Variants in NRG1 observed in about 807,000 individuals in gnomAD.
The protein encoded by NRG1 is neuregulin 1, also known as pro-neuregulin-1, membrane-bound isoform.
Under a neutral mutation model 63.8 loss-of-function variants are expected in NRG1, and 18 were observed. The ratio of observed to expected loss-of-function variants is 0.28; its 90% CI spans 0.19 to 0.42. The LOEUF is 0.42. Among genes scored for constraint, NRG1 ranks in the 10% least tolerant of loss-of-function variants. The pLI is 1.00. For missense variants in NRG1, 762 were observed against 814.7 expected, an observed-to-expected ratio of 0.94 and a Z score of 0.79; for synonymous variants, 302 against 301.3, an observed-to-expected ratio of 1.00 and a Z score of -0.02.
At chr8:32,352,855 G>A (rs1805788593) in intron 1 of NRG1, among the ~76,000 whole-genome samples, 1 of 151,462 alleles carries the variant, frequency 6.6e-6, no homozygotes, top group African/African-American at 2.4e-5. Context: ...TCCATCTTGG[G>A]TGACAGAATG....
At chr8:32,460,389 G>A (rs919981811) in intron 1 of NRG1, among the ~76,000 whole-genome samples, 3 of 152,192 alleles carry the variant, frequency 2.0e-5, no homozygotes, top group African/African-American at 7.2e-5. Context: ...CATTAAGATT[G>A]ACTGTACACG....
intron 1 of NRG1, among the ~76,000 whole-genome samples, chr8:31,821,769 T>A (rs1297291884): frequency 1.3e-5 from 2 of 152,056 alleles, no homozygotes; most frequent in Non-Finnish European, 2.9e-5. Flanking sequence ...TTTTTATGTG[T>A]TAGAGAGAAA....
intron 1 of NRG1, among the ~76,000 whole-genome samples, chr8:32,084,568 A>C (rs1457719836): frequency 6.6e-6 from 1 of 152,236 alleles, no homozygotes; most frequent in Non-Finnish European, 1.5e-5. Context: ...TTTTTAAAAA[A>C]AATTCTTAAG....
At chr8:32,652,838 A>G (rs959703364) in intron 5 of NRG1, among the ~76,000 whole-genome samples, 6 of 152,152 alleles carry the variant, frequency 3.9e-5, no homozygotes, top group African/African-American at 7.2e-5. Context: ...GTTCCAAACC[A>G]TACATCTGTG....
chr8:32,578,081 C>T (rs1252317376), intron 1 of NRG1, among the ~76,000 whole-genome samples: 3 of 152,008 alleles, frequency 2.0e-5, no homozygotes, highest in African/African-American at 7.3e-5. Context: ...GGCAACCTCT[C>T]CCTCCCAGGT....
intron 1 of NRG1, among the ~76,000 whole-genome samples, chr8:32,118,776 A>T (rs932647485): frequency 2.6e-5 from 4 of 152,106 alleles, no homozygotes; most frequent in African/African-American, 7.2e-5. Flanking sequence ...TCTTTGGGTC[A>T]TCCAAGGCAT....
At chr8:32,451,851 G>T (rs1473819892) in intron 1 of NRG1, among the ~76,000 whole-genome samples, 1 of 152,054 alleles carries the variant, frequency 6.6e-6, no homozygotes, top group Non-Finnish European at 1.5e-5. Flanking sequence ...TTTTAGACAA[G>T]GTCTTGCTCT....
chr8:32,296,969 G>A (rs1418772128), intron 1 of NRG1, among the ~76,000 whole-genome samples: 2 of 152,004 alleles, frequency 1.3e-5, no homozygotes, highest in African/African-American at 4.8e-5. Flanking sequence ...ACAAAAATTA[G>A]CTGGGCGTGG....
At chr8:31,676,836 G>A (rs1190269649) in intron 1 of NRG1, among the ~76,000 whole-genome samples, 1 of 152,134 alleles carries the variant, frequency 6.6e-6, no homozygotes, top group East Asian at 1.9e-4. Context: ...TAAACTTGTG[G>A]AATAAAATAT....
intron 1 of NRG1, among the ~76,000 whole-genome samples, chr8:32,538,103 C>T (rs766297916): frequency 1.6e-4 from 24 of 152,190 alleles, no homozygotes; most frequent in African/African-American, 4.1e-4. Flanking sequence ...CCACCTGCCT[C>T]GGCCTCCTAA....
At chr8:31,842,206 A>G (rs1826261452) in intron 1 of NRG1, among the ~76,000 whole-genome samples, 1 of 152,172 alleles carries the variant, frequency 6.6e-6, no homozygotes, top group Non-Finnish European at 1.5e-5. Flanking sequence ...GTTTTGGTTA[A>G]CCTGGTTTTT....
At chr8:32,417,865 C>G (rs1243155061) in intron 1 of NRG1, among the ~76,000 whole-genome samples, 1 of 152,006 alleles carries the variant, frequency 6.6e-6, no homozygotes, top group Non-Finnish European at 1.5e-5. Context: ...AGTGTTTTGT[C>G]TTTCTTTTTT....
At chr8:32,299,186 T>C (rs1855302795) in intron 1 of NRG1, among the ~76,000 whole-genome samples, 1 of 152,112 alleles carries the variant, frequency 6.6e-6, no homozygotes. Flanking sequence ...TCCATGGTAA[T>C]AGATTGGCTG....
rs190845142 is a variant in NRG1 at position 32,413,641 on chromosome 8, A to G, written c.38-182187A>G. On this transcript the variant is annotated intron_variant, in intron 1 of 10. Coordinates refer to the NRG1 transcript ENST00000519301. ...CCCACAGAAATATACTACAGAAAAC[A>G]GACCTAATAAAGTGGAGTTTTGTTC... Among the ~76,000 whole-genome samples, 16 of 152,340 alleles carry G rather than the reference A, an allele frequency of 1.1e-4. No individual in the cohort carries two copies. In the East Asian group the frequency reaches 2.9e-3, roughly 28 times the overall value.
chr8:32,706,123 C>G (rs964740941), intron 5 of NRG1, among the ~76,000 whole-genome samples: 1 of 152,098 alleles, frequency 6.6e-6, no homozygotes, highest in African/African-American at 2.4e-5. Flanking sequence ...GGTTTAGATG[C>G]CTATAGCAGT....
intron 1 of NRG1, among the ~76,000 whole-genome samples, chr8:32,155,387 T>G (rs1837943530): frequency 6.6e-6 from 1 of 152,216 alleles, no homozygotes; most frequent in Non-Finnish European, 1.5e-5. Flanking sequence ...TTGGCCAAGT[T>G]ATTTACTGCC....
intron 1 of NRG1, among the ~76,000 whole-genome samples, chr8:32,190,173 G>GTATTATTGT (rs1842351086): frequency 6.7e-6 from 1 of 150,054 alleles, no homozygotes; most frequent in Admixed American, 6.7e-5. Flanking sequence ...TTATCAAAAT[G>GTATTATTGT]TATTATTATT....
intron 1 of NRG1, among the ~76,000 whole-genome samples, chr8:32,344,418 C>A: frequency 1.1e-5 from 1 of 92,460 alleles, no homozygotes; most frequent in East Asian, 4.7e-4. Flanking sequence ...TGCGTGCATG[C>A]ATGTGTGTGT....
chr8:31,946,768 C>T (rs915612376), intron 1 of NRG1, among the ~76,000 whole-genome samples: 1 of 152,176 alleles, frequency 6.6e-6, no homozygotes, highest in African/African-American at 2.4e-5. Flanking sequence ...ACCCACTGAC[C>T]TTCTAGGCCA....
Sources: allele counts gnomAD v4.1 joint callset (sites outside exome capture counted in the v4.1 genomes callset), GRCh38; gene constraint gnomAD v4.1.1; transcripts MANE v1.5; gene names NCBI Gene and HGNC (gene_info 2026-07-23, HGNC 2026-07-21).